Variants in SRBD1 observed in about 807,000 individuals in gnomAD.
The protein encoded by SRBD1 is S1 RNA binding domain 1.
A neutral mutation model predicts 115.3 loss-of-function variants in SRBD1; 88 were observed. The observed-to-expected ratio is 0.76, with a 90% CI of 0.64 to 0.91. The LOEUF (loss-of-function observed/expected upper bound fraction) is 0.91. Ranked by LOEUF, SRBD1 falls within the 40% of genes least tolerant of loss-of-function variation. SRBD1 has a pLI of 0.00. For synonymous variants in SRBD1, 509 were observed against 407.7 expected (o/e 1.25, Z -2.99); for missense variants, 1,385 against 1,177.4 (o/e 1.18, Z -2.58).
chr2:45,423,770 T>C (rs967320854), intron 16 of SRBD1, among the ~76,000 whole-genome samples: 2 of 152,110 alleles, frequency 1.3e-5, no homozygotes, highest in Non-Finnish European at 2.9e-5. Context: ...TGATTTCCTA[T>C]GAATACCAGT....
chr2:45,601,857 T>A (rs1232152052), intron 3 of SRBD1, 46 bp downstream of exon 3: 1 of 1,591,318 alleles, frequency 6.3e-7, no homozygotes, highest in African/African-American at 1.4e-5. Context: ...ACATCACCAA[T>A]CAGGAAGACA....
intron 11 of SRBD1, 88 bp downstream of exon 11, chr2:45,553,535 A>G: frequency 1.2e-6 from 1 of 834,286 alleles, no homozygotes; most frequent in Non-Finnish European, 1.7e-6. Context: ...TGGTTAATCA[A>G]TCAACAAACA....
chr2:45,562,570 C>T (rs762862047), intron 10 of SRBD1, 83 bp downstream of exon 10: 62 of 1,082,946 alleles, frequency 5.7e-5, no homozygotes, highest in Non-Finnish European at 7.7e-5. Context: ...TAATAGACAT[C>T]TTTACATATC....
chr2:45,504,060 T>C (rs529122873), intron 14 of SRBD1, among the ~76,000 whole-genome samples: 4 of 152,222 alleles, frequency 2.6e-5, no homozygotes, highest in Non-Finnish European at 5.9e-5. Context: ...TTTTCAAATA[T>C]TTATGTTCCA....
chr2:45,480,503 G>C lies in SRBD1; in HGVS notation c.1967-3428C>G, dbSNP rs1248209202. ...AGTCACTTCAGATGTCGTGGAAATA[G>C]GAAGAAAACTAGAATTAGAAGTGGA... On this transcript the variant is annotated intron_variant, in intron 15 of 20. Coordinates refer to ENST00000263736, the MANE Select transcript of SRBD1 (RefSeq NM_018079.5). Among the ~76,000 whole-genome samples the C allele has an allele frequency of 2.6e-5, 4 of 152,270 alleles. No homozygotes were observed. The South Asian group carries it at 8.3e-4, about 32-fold the overall frequency.
chr2:45,541,679 T>C (rs370664481), intron 14 of SRBD1, among the ~76,000 whole-genome samples: 1 of 151,998 alleles, frequency 6.6e-6, no homozygotes, highest in African/African-American at 2.4e-5. Context: ...TCCCAATGAG[T>C]GTCCAGCTCC....
chr2:45,449,714 G>A (rs1472433472), intron 16 of SRBD1, among the ~76,000 whole-genome samples: 1 of 152,102 alleles, frequency 6.6e-6, no homozygotes, highest in Non-Finnish European at 1.5e-5. Context: ...CATTCTCAGA[G>A]GGCATACTGT....
chr2:45,498,560 CTCT>C (rs1309902788), intron 14 of SRBD1, among the ~76,000 whole-genome samples: 3 of 152,092 alleles, frequency 2.0e-5, no homozygotes, highest in Non-Finnish European at 4.4e-5. Context: ...CATTACAATT[CTCT>C]TCTATTTAAA....
At chr2:45,603,090 C>A (rs898331495) in intron 2 of SRBD1, among the ~76,000 whole-genome samples, 7 of 152,152 alleles carry the variant, frequency 4.6e-5, no homozygotes, top group Non-Finnish European at 8.8e-5. Flanking sequence ...GGGTTCCACT[C>A]CTCATACTAT....
At position 45,599,475 on chromosome 2, in the gene SRBD1, C is replaced by G. The variant is rs755678397; in HGVS notation, c.622G>C (p.Val208Leu). The change falls in exon 4 of 21, where the codon GTG becomes CTG. Residue 208 changes from valine (V) to leucine (L), a missense_variant. Val to Leu is a conservative substitution (Grantham distance 32). Transcript: ENST00000263736. ...PANANSTKEEVEMNWDMVQVL... is the reference protein window; with the variant it reads ...PANANSTKEELEMNWDMVQVL... ...TGTACCATGTCCCAATTCATTTCCA[C>G]CTCCTCTTTAGTACTATTGGCATTT... 1 of 1,613,880 alleles carries G rather than the reference C, an allele frequency of 6.2e-7. No individual in the cohort carries two copies. Among genetic ancestry groups the G allele is most frequent in the Non-Finnish European group, 8.5e-7 (1 of 1,179,942 alleles).
At chr2:45,472,429 A>C (rs1451613740) in intron 16 of SRBD1, among the ~76,000 whole-genome samples, 3 of 152,242 alleles carry the variant, frequency 2.0e-5, no homozygotes, top group Admixed American at 2.0e-4. Flanking sequence ...GTACATTTTA[A>C]ATCAATGAAT....
intron 16 of SRBD1, among the ~76,000 whole-genome samples, chr2:45,437,978 A>G (rs1383967419): frequency 6.6e-6 from 1 of 152,178 alleles, no homozygotes; most frequent in African/African-American, 2.4e-5. Context: ...TGTTTGTCTA[A>G]ACCCATAATG....
chr2:45,419,866 G>A lies in SRBD1; in HGVS notation c.2078C>T (p.Ala693Val). The change falls in exon 17 of 21, where the codon GCA (alanine) becomes GTA (valine). Residue 693 changes from alanine (A) to valine (V), a missense_variant. Transcript: ENST00000263736. ...TTCTTCTACAACACTGTCCAGTGTT[G>A]CCTTGAGTAAAGTCTGGGATACGTC... ...QHDVSQTLLK[A>V]TLDSVVEECV... is the part of the protein sequence containing the mutation. 2 of 1,613,530 alleles carry A rather than the reference G, an allele frequency of 1.2e-6. No individual in the cohort carries two copies. Among genetic ancestry groups the A allele is most frequent in the Non-Finnish European group, 1.7e-6 (2 of 1,179,828 alleles).
intron 14 of SRBD1, among the ~76,000 whole-genome samples, chr2:45,510,123 A>C (rs189420315): frequency 1.3e-5 from 2 of 152,260 alleles, no homozygotes; most frequent in East Asian, 3.9e-4. Flanking sequence ...TTCTAAGATA[A>C]TTTTTCAGAA....
intron 16 of SRBD1, among the ~76,000 whole-genome samples, chr2:45,426,164 G>A (rs181895260): frequency 1.3e-5 from 2 of 152,250 alleles, no homozygotes; most frequent in African/African-American, 2.4e-5. Flanking sequence ...CTTGGTGGGG[G>A]GAGAGGCACC....
intron 19 of SRBD1, among the ~76,000 whole-genome samples, chr2:45,399,007 G>A (rs1201160366): frequency 6.6e-6 from 1 of 151,952 alleles, no homozygotes; most frequent in Non-Finnish European, 1.5e-5. Flanking sequence ...AAATTTACAA[G>A]TGACATTAAA....
At chr2:45,542,754 C>T (rs1341770444) in intron 14 of SRBD1, among the ~76,000 whole-genome samples, 1 of 152,172 alleles carries the variant, frequency 6.6e-6, no homozygotes, top group Non-Finnish European at 1.5e-5. Flanking sequence ...TAAATGAATG[C>T]TCATGCTGCT....
At chr2:45,562,268 C>A (rs1672689392) in intron 10 of SRBD1, among the ~76,000 whole-genome samples, 1 of 152,106 alleles carries the variant, frequency 6.6e-6, no homozygotes, top group Non-Finnish European at 1.5e-5. Flanking sequence ...TGCTCTGTCG[C>A]CCAGGCTGGA....
At chr2:45,498,854 C>T (rs1341063703) in intron 14 of SRBD1, among the ~76,000 whole-genome samples, 6 of 152,130 alleles carry the variant, frequency 3.9e-5, no homozygotes, top group African/African-American at 1.4e-4. Flanking sequence ...GAATAATATC[C>T]CATTGTGTAT....
Sources: gnomAD v4.1 joint callset for allele counts (sites outside exome capture counted in the v4.1 genomes callset) on GRCh38, gnomAD v4.1.1 for gene constraint, MANE v1.5 for transcripts, NCBI Gene and HGNC (gene_info 2026-07-23, HGNC 2026-07-21) for gene names.